MAST2: variants seen among roughly 807,000 people sequenced by gnomAD.
The protein encoded by MAST2 is microtubule-associated serine/threonine-protein kinase 2.
Under a neutral mutation model 147.4 loss-of-function variants are expected in MAST2, and 70 were observed. That is an observed-to-expected ratio of 0.47 (90% CI 0.39 to 0.58). The LOEUF (loss-of-function observed/expected upper bound fraction) is 0.58. Among genes scored for constraint, MAST2 ranks in the 20% least tolerant of loss-of-function variants. The pLI, the probability that MAST2 is intolerant of heterozygous loss-of-function variation, is 0.00. For synonymous variants in MAST2, 869 were observed against 896.8 expected, an observed-to-expected ratio of 0.97 and a Z score of 0.55; for missense variants, 2,080 against 2,302.3, an observed-to-expected ratio of 0.90 and a Z score of 1.98.
In MAST2 at chr1:45,988,269, G is replaced by T. The variant is rs79656727; in HGVS notation, c.593-9455G>T. Among the ~76,000 whole-genome samples, 2,169 of 152,030 alleles carry T rather than the reference G, an allele frequency of 0.014. 102 individuals are homozygous for T. In the East Asian group the frequency reaches 0.19, roughly 13 times the overall value. ...CCTCAAGGGATTCCCACACCTTGGCGTCCCAAAGTGCTAGGATTACAGGCA... is the reference window on the plus strand; with the variant it reads ...CCTCAAGGGATTCCCACACCTTGGCTTCCCAAAGTGCTAGGATTACAGGCA... On this transcript the variant is annotated intron_variant, in intron 5 of 28. Transcript: ENST00000361297.
intron 3 of MAST2, among the ~76,000 whole-genome samples, chr1:45,846,567 AT>A (rs1391762487): frequency 6.6e-6 from 1 of 152,124 alleles, no homozygotes; most frequent in Non-Finnish European, 1.5e-5. Context: ...CATACCTGTA[AT>A]CCCAGCACTT....
chr1:45,853,123 T>A (rs2148004143), intron 3 of MAST2, among the ~76,000 whole-genome samples: 1 of 151,986 alleles, frequency 6.6e-6, no homozygotes, highest in East Asian at 1.9e-4. Flanking sequence ...AGAGACAGGG[T>A]TTCACCATGT....
chr1:45,875,207 C>T (rs910350425), intron 3 of MAST2, among the ~76,000 whole-genome samples: 2 of 152,058 alleles, frequency 1.3e-5, no homozygotes, highest in African/African-American at 2.4e-5. Context: ...GCACTTTGGG[C>T]GACCGAGGTA....
rs765076273 is a variant in MAST2, at chr1:46,028,824, G to GAA, written c.2110_2111dup (p.Pro705SerfsTer34). The stretch of plus-strand genomic sequence containing the variant: ...AGGTGATCCTGCGCCAGGGCTATGG[G>GAA]AAGCCAGTGGACTGGTGGGCCATGG... On this transcript the variant is annotated frameshift_variant, in exon 18 of 29. Coordinates refer to ENST00000361297, the MANE Select transcript of MAST2 (RefSeq NM_015112.3). LOFTEE classifies it high-confidence loss of function. The GAA allele has an allele frequency of 1.2e-6, 2 of 1,614,208 alleles. No homozygotes were observed. The highest frequency in any genetic ancestry group is 2.2e-5 in the South Asian group (2 of 91,076).
intron 3 of MAST2, among the ~76,000 whole-genome samples, chr1:45,837,690 A>G (rs1177133628): frequency 2.0e-5 from 3 of 152,190 alleles, no homozygotes; most frequent in Non-Finnish European, 2.9e-5. Context: ...TTATCTTTAT[A>G]AGAAACTGCC....
chr1:45,993,806 T>C (rs565038216), intron 5 of MAST2, among the ~76,000 whole-genome samples: 155 of 152,236 alleles, frequency 1.0e-3, no homozygotes, highest in African/African-American at 3.3e-3. Context: ...AAGCAGAAGT[T>C]TGGGGGTTCC....
At chr1:45,926,821 A>T (rs1395115303) in intron 4 of MAST2, among the ~76,000 whole-genome samples, 1 of 152,002 alleles carries the variant, frequency 6.6e-6, no homozygotes, top group Non-Finnish European at 1.5e-5. Context: ...AGGAACCCTT[A>T]TATGCGACAG....
chr1:45,832,227 T>C (rs1487413511), intron 3 of MAST2, among the ~76,000 whole-genome samples: 1 of 151,916 alleles, frequency 6.6e-6, no homozygotes, highest in African/African-American at 2.4e-5. Context: ...AATGGATGAG[T>C]GTACCCTCCT....
intron 4 of MAST2, among the ~76,000 whole-genome samples, chr1:45,941,201 T>G (rs1402272509): frequency 6.6e-6 from 1 of 152,206 alleles, no homozygotes; most frequent in Non-Finnish European, 1.5e-5. Flanking sequence ...ACACATGTAT[T>G]TGGTGACATG....
At chr1:46,005,539 C>G (rs1340041552) in intron 7 of MAST2, among the ~76,000 whole-genome samples, 2 of 152,134 alleles carry the variant, frequency 1.3e-5, no homozygotes, top group Non-Finnish European at 2.9e-5. Flanking sequence ...CTGTGATAGC[C>G]GAGCACCCTC....
intron 16 of MAST2, among the ~76,000 whole-genome samples, chr1:46,027,131 C>T (rs1199071286): frequency 6.6e-6 from 1 of 151,968 alleles, no homozygotes; most frequent in Non-Finnish European, 1.5e-5. Flanking sequence ...GCCTGGAGCT[C>T]AAAAAGGAAG....
At chr1:45,952,541 T>TA (rs1265154253) in intron 4 of MAST2, among the ~76,000 whole-genome samples, 1 of 152,016 alleles carries the variant, frequency 6.6e-6, no homozygotes, top group Non-Finnish European at 1.5e-5. Flanking sequence ...GAAATATATC[T>TA]AAAAAAATAA....
chr1:45,928,907 A>C (rs1173389991), intron 4 of MAST2, among the ~76,000 whole-genome samples: 1 of 148,470 alleles, frequency 6.7e-6, no homozygotes, highest in Non-Finnish European at 1.5e-5. Context: ...CACATTCTGG[A>C]TTTTGCTGAT....
intron 4 of MAST2, among the ~76,000 whole-genome samples, chr1:45,931,788 C>G (rs746000537): frequency 1.3e-5 from 2 of 151,560 alleles, no homozygotes; most frequent in Non-Finnish European, 2.9e-5. Context: ...GCCACCATGC[C>G]CAGTCCCACC....
chr1:46,023,557 G>C lies in MAST2; in HGVS notation c.1572-215G>C, dbSNP rs1398293410. ...ACGCATCCTCCATTCCCTGAGCTCT[G>C]GGGAAGCATTGAGCCGTGTCATCAG... On this transcript the variant is annotated intron_variant, in intron 14 of 28. Coordinates refer to ENST00000361297, the MANE Select transcript of MAST2 (RefSeq NM_015112.3). The surrounding 1 kb of genome is among the most constrained non-coding windows in gnomAD (Gnocchi z 4.9). The C allele has an allele frequency of 4.8e-6, 3 of 620,718 alleles. No individual in the cohort carries two copies. The highest frequency in any genetic ancestry group is 2.9e-5 in the Admixed American group (1 of 34,368). The allele number at this position is 620,718 out of a possible 1,614,324, so 38.5% of individuals were successfully genotyped here.
At chr1:45,812,459 G>T (rs943162369) in intron 1 of MAST2, among the ~76,000 whole-genome samples, 1 of 135,922 alleles carries the variant, frequency 7.4e-6, no homozygotes. Flanking sequence ...ACGGAGTCTC[G>T]CACTGTTGCC....
Position 46,034,892 on chromosome 1 carries a change from C to T in MAST2, c.4223C>T (p.Ala1408Val). Reference protein sequence around the residue: ...RSPLLKRVQSAEKLAAALAAS... With the variant: ...RSPLLKRVQSVEKLAAALAAS... ...CCACTACTCAAGAGGGTGCAGTCGG[C>T]TGAGAAACTGGCAGCAGCACTTGCC... Residue 1408 changes from alanine to valine, a missense_variant, in exon 29 of 29, where the codon GCT becomes GTT. Physicochemically the swap from Ala to Val is moderately conservative, Grantham distance 64. This residue lies in a region of MAST2 where 1,278 missense variants were observed against 1,304.2 expected (regional missense o/e 0.98). Coordinates refer to ENST00000361297, the MANE Select transcript of MAST2 (RefSeq NM_015112.3). 6.2e-7 allele frequency: 1 copy of T among 1,614,230 alleles called. No homozygotes were observed. The highest frequency in any genetic ancestry group is 1.7e-5 in the Admixed American group (1 of 60,032).
chr1:45,968,935 A>T (rs573523159), intron 5 of MAST2, among the ~76,000 whole-genome samples: 1 of 147,952 alleles, frequency 6.8e-6, no homozygotes, highest in African/African-American at 2.5e-5. Context: ...TTCTGTTATC[A>T]TATCCTCAAG....
chr1:46,026,537 C>T (rs550110910), intron 16 of MAST2, among the ~76,000 whole-genome samples: 81 of 152,148 alleles, frequency 5.3e-4, no homozygotes, highest in Non-Finnish European at 1.0e-3. Flanking sequence ...GATTATGGTT[C>T]AGGTTTAGAA....
Sources: allele counts gnomAD v4.1 joint callset (sites outside exome capture counted in the v4.1 genomes callset), GRCh38; gene constraint gnomAD v4.1.1; regional missense constraint gnomAD v4.1.1; non-coding constraint Gnocchi (gnomAD v3.1); transcripts MANE v1.5; gene names NCBI Gene and HGNC (gene_info 2026-07-23, HGNC 2026-07-21).